Variants in PRDM15 observed in about 807,000 individuals in gnomAD.
PRDM15 encodes the protein PR domain zinc finger protein 15.
A neutral mutation model predicts 128.6 loss-of-function variants in PRDM15; 64 were observed. The observed-to-expected ratio is 0.50, with a 90% CI of 0.41 to 0.61. The LOEUF (loss-of-function observed/expected upper bound fraction) is 0.61. PRDM15 is among the 20% of genes least tolerant of loss of function. PRDM15 has a pLI of 0.00. For synonymous variants in PRDM15, 615 were observed against 621.8 expected (o/e 0.99, Z 0.16); for missense variants, 1,242 against 1,569.1 (o/e 0.79, Z 3.52).
intron 22 of PRDM15, among the ~76,000 whole-genome samples, chr21:41,804,286 T>C (rs537116831): frequency 6.6e-6 from 1 of 152,366 alleles, no homozygotes; most frequent in South Asian, 2.1e-4. Context: ...TTCTATTTTT[T>C]TCTGGAAAAC....
rs754677054 is a variant in PRDM15, at chr21:41,847,155, G to A, written c.575C>T (p.Ser192Leu). Residue 192 changes from serine to leucine, a missense_variant, in exon 6 of 24, where the codon TCG becomes TTG. By Grantham distance (145) the Ser-to-Leu change is moderately radical. This residue lies in a region of PRDM15 where 612 missense variants were observed against 717.0 expected (regional missense o/e 0.85). Coordinates refer to ENST00000398548, the MANE Select transcript of PRDM15 (RefSeq NM_001040424.3). ...GTPENSAPVE[S>L]EPSQWACKVC... The stretch of plus-strand genomic sequence containing the variant: ...TTTACACGCCCACTGGCTGGGCTCC[G>A]ACTCCACGGGGGCGCTGTTTTCTGG... 1.2e-5 allele frequency: 19 copies of A among 1,554,420 alleles called. No individual in the cohort carries two copies. The highest frequency in any genetic ancestry group is 5.4e-5 in the African/African-American group (4 of 73,410).
intron 21 of PRDM15, among the ~76,000 whole-genome samples, chr21:41,806,027 CCACCATCACCACCACCAT>C (rs1568879858): frequency 0.046 from 389 of 8,366 alleles, 1 homozygote; most frequent in Admixed American, 0.066. Flanking sequence ...ATCACCACCA[CCACCATCACCACCACCAT>C]CACCACCACC....
rs1270754302 is a variant in PRDM15 at position 41,859,264 on chromosome 21, A to G, written c.131+328T>C. The stretch of plus-strand genomic sequence containing the variant: ...GAGAGAAGCCAACGAGCAGACCTCC[A>G]GCTTGGCTGCTGGTGCTCAGCACGT... On this transcript the variant is annotated intron_variant, in intron 3 of 23. Coordinates refer to ENST00000398548, the MANE Select transcript of PRDM15 (RefSeq NM_001040424.3). This position sits in a 1 kb window ranked among gnomAD's most constrained non-coding sequence, Gnocchi z 5.3. 1.3e-6 allele frequency: 2 copies of G among 1,595,992 alleles called. No homozygotes were observed. Among genetic ancestry groups the G allele is most frequent in the African/African-American group, 2.7e-5 (2 of 74,644 alleles).
chr21:41,814,148 T>C (rs1205108317), intron 19 of PRDM15: 1 of 112,122 alleles, frequency 8.9e-6, no homozygotes, highest in Non-Finnish European at 1.8e-5. Context: ...TTGCGCAGGG[T>C]GCTCTAGTGT....
rs1361214766 is a variant in PRDM15, at chr21:41,854,076, G to A, written c.538+490C>T. ...TTTCAGTCAAAGACAGTGGTCCCAT[G>A]AGATTCTAATACAGTATTTTTCCTC... is the stretch of plus-strand genomic sequence containing the variant. On this transcript the variant is annotated intron_variant, in intron 5 of 23. Coordinates refer to ENST00000398548, the MANE Select transcript of PRDM15 (RefSeq NM_001040424.3). This position sits in a 1 kb window ranked among gnomAD's most constrained non-coding sequence, Gnocchi z 4.6. Among the ~76,000 whole-genome samples, 2 of 152,232 alleles carry A rather than the reference G, an allele frequency of 1.3e-5. No individual in the cohort carries two copies. Among genetic ancestry groups the A allele is most frequent in the African/African-American group, 4.8e-5 (2 of 41,464 alleles).
rs2061845721 is a variant in PRDM15, at chr21:41,810,978, C to T, written c.2393-142G>A. ...TTGCAAGAAGACAGCAGACAATGAACGCTCATCCCCAGCCTCGGCCAGCAA... is the reference window on the plus strand; with the variant it reads ...TTGCAAGAAGACAGCAGACAATGAATGCTCATCCCCAGCCTCGGCCAGCAA... On this transcript the variant is annotated intron_variant, in intron 19 of 23. Coordinates refer to ENST00000398548, the MANE Select transcript of PRDM15 (RefSeq NM_001040424.3). The surrounding 1 kb of genome is among the most constrained non-coding windows in gnomAD (Gnocchi z 6.4). The T allele has an allele frequency of 1.3e-5, 9 of 689,784 alleles. No homozygotes were observed. The highest frequency in any genetic ancestry group is 7.1e-5 in the South Asian group (4 of 56,294). 42.7% of individuals were successfully genotyped at this position (689,784 alleles called of 1,614,324 possible).
At position 41,798,471 on chromosome 21, in the gene PRDM15, G is replaced by C. The variant is rs2061349104; in HGVS notation, c.*2769C>G. On this transcript the variant is annotated 3_prime_UTR_variant, in exon 24 of 24. Coordinates refer to ENST00000398548, the MANE Select transcript of PRDM15 (RefSeq NM_001040424.3). ...CGCAGTCCCATGCCGGACACAGCGA[G>C]GCGGCACTTGGCACAGAACGTTTTC... 1 of 152,344 alleles carries C rather than the reference G, an allele frequency of 6.6e-6. No individual in the cohort carries two copies. The highest frequency in any genetic ancestry group is 1.5e-5 in the Non-Finnish European group (1 of 68,138). 9.4% of individuals were successfully genotyped at this position (152,344 alleles called of 1,614,324 possible).
Position 41,810,928 on chromosome 21 carries a change from T to C in PRDM15, c.2393-92A>G. 2 of 1,114,978 alleles carry C rather than the reference T, an allele frequency of 1.8e-6. No homozygotes were observed. The highest frequency in any genetic ancestry group is 2.7e-6 in the Non-Finnish European group (2 of 734,914). 69.1% of individuals were successfully genotyped at this position (1,114,978 alleles called of 1,614,324 possible). A position where few individuals can be genotyped will look rare whatever the true frequency, so the allele number is the denominator to read the frequency against. ...CTTCTCCCTGACACGTTCCAGGCAC[T>C]GTAGGGCCTTCAGGAGAAGGTGAAT... On this transcript the variant is annotated intron_variant, in intron 19 of 23. Coordinates refer to ENST00000398548, the MANE Select transcript of PRDM15 (RefSeq NM_001040424.3). This position sits in a 1 kb window ranked among gnomAD's most constrained non-coding sequence, Gnocchi z 6.4.
At chr21:41,878,917 C>A in intron 1 of PRDM15, 1 of 953,510 alleles carries the variant, frequency 1.0e-6, no homozygotes, top group Non-Finnish European at 1.2e-6. Flanking sequence ...CGCGCTGGGC[C>A]TGGCCGCGGG....
chr21:41,853,836 G>A (rs1029316528), intron 5 of PRDM15, among the ~76,000 whole-genome samples: 10 of 152,172 alleles, frequency 6.6e-5, no homozygotes, highest in African/African-American at 1.4e-4. Context: ...GCCATTGCAC[G>A]GTGAGCAGCA....
chr21:41,834,980 C>T (rs2062822886), intron 11 of PRDM15, among the ~76,000 whole-genome samples: 1 of 152,162 alleles, frequency 6.6e-6, no homozygotes, highest in Non-Finnish European at 1.5e-5. Context: ...AGGGGCAACC[C>T]CGTTCCACCC....
intron 12 of PRDM15, 106 bp from the exon 13 acceptor site, chr21:41,826,160 G>C (rs1225640054): frequency 3.4e-6 from 3 of 871,560 alleles, no homozygotes; most frequent in African/African-American, 3.3e-5. Flanking sequence ...CGGGAGGACA[G>C]GGCTGCCCAC....
intron 21 of PRDM15, among the ~76,000 whole-genome samples, chr21:41,807,943 G>A (rs559798377): frequency 6.6e-6 from 1 of 152,206 alleles, no homozygotes; most frequent in South Asian, 2.1e-4. Flanking sequence ...GCAGAGCACA[G>A]AAGGCGAACT....
At chr21:41,853,506 G>T (rs1366775883) in intron 5 of PRDM15, among the ~76,000 whole-genome samples, 1 of 152,140 alleles carries the variant, frequency 6.6e-6, no homozygotes, top group South Asian at 2.1e-4. Context: ...ATATGAAATT[G>T]CTGTTTTGCA....
At chr21:41,865,066 C>G (rs1416286899) in intron 1 of PRDM15, among the ~76,000 whole-genome samples, 7 of 123,636 alleles carry the variant, frequency 5.7e-5, no homozygotes. Flanking sequence ...GCCCTCTCTG[C>G]AAGTTCCCAC....
chr21:41,870,035 T>C (rs2146004856), intron 1 of PRDM15, among the ~76,000 whole-genome samples: 1 of 152,356 alleles, frequency 6.6e-6, no homozygotes, highest in East Asian at 1.9e-4. Context: ...GTCTCAGAGC[T>C]GGGCAGAATG....
chr21:41,863,754 C>T (rs562540788), intron 1 of PRDM15, among the ~76,000 whole-genome samples: 1 of 152,122 alleles, frequency 6.6e-6, no homozygotes, highest in Admixed American at 6.5e-5. Flanking sequence ...AAGCTACCAT[C>T]ATAAAAACTT....
chr21:41,819,492 A>AC, intron 18 of PRDM15, 90 bp downstream of exon 18: 2 of 582,512 alleles, frequency 3.4e-6, no homozygotes, highest in South Asian at 3.1e-5. Flanking sequence ...CCTTCCCCAC[A>AC]CTCCCAGTTC....
intron 1 of PRDM15, chr21:41,867,478 G>T: frequency 1.1e-6 from 1 of 924,274 alleles, no homozygotes; most frequent in Non-Finnish European, 1.7e-6. Flanking sequence ...TGTTGCCCAG[G>T]CTGGAGCGCA....
Sources: allele counts gnomAD v4.1 joint callset (sites outside exome capture counted in the v4.1 genomes callset), GRCh38; gene constraint gnomAD v4.1.1; regional missense constraint gnomAD v4.1.1; non-coding constraint Gnocchi (gnomAD v3.1); transcripts MANE v1.5; gene names NCBI Gene and HGNC (gene_info 2026-07-23, HGNC 2026-07-21).